Variants in TRIM44 observed in about 807,000 individuals in gnomAD.
TRIM44 encodes the protein tripartite motif containing 44.
In TRIM44, 13 loss-of-function variants were observed where a neutral mutation model predicts 37.4. That is an observed-to-expected ratio of 0.35 (90% CI 0.23 to 0.55). The LOEUF is 0.55. Ranked by LOEUF, TRIM44 falls within the 20% of genes least tolerant of loss-of-function variation. The probability of loss-of-function intolerance (pLI) is 0.89; values close to 1 mark genes in which losing one functional copy is unlikely to be tolerated. For synonymous variants in TRIM44, 175 were observed against 157.2 expected, an observed-to-expected ratio of 1.11 and a Z score of -0.85; for missense variants, 426 against 437.2, an observed-to-expected ratio of 0.97 and a Z score of 0.23.
intron 1 of TRIM44, among the ~76,000 whole-genome samples, chr11:35,679,253 A>G (rs924103647): frequency 6.6e-6 from 1 of 152,152 alleles, no homozygotes; most frequent in East Asian, 1.9e-4. Context: ...TGCAGAGACC[A>G]CTTGTCAAGG....
chr11:35,680,294 A>G lies in TRIM44; in HGVS notation c.670-4965A>G, dbSNP rs370886772. Among the ~76,000 whole-genome samples, 80 of 152,270 alleles carry G rather than the reference A, an allele frequency of 5.3e-4. No homozygotes were observed. The South Asian group carries it at 0.016, about 30-fold the overall frequency. On this transcript the variant is annotated intron_variant, in intron 1 of 4. Transcript: ENST00000299413. The stretch of plus-strand genomic sequence containing the variant: ...TAGTATGCTAAATCTTAATTATGCA[A>G]TTAATAGGAATATATTTAACTCTAA...
At chr11:35,702,347 C>T (rs928719486) in intron 2 of TRIM44, among the ~76,000 whole-genome samples, 3 of 152,242 alleles carry the variant, frequency 2.0e-5, no homozygotes, top group Admixed American at 2.0e-4. Context: ...CGTTCTTTGA[C>T]CCTATCCCAC....
chr11:35,663,115 G>A lies in TRIM44; in HGVS notation c.4G>A (p.Ala2Thr). MASGVGAAFEEL... is the reference protein window; with the variant it reads MTSGVGAAFEEL... ...TTGGCCGCGTCACAGCACCCACATG[G>A]CCTCTGGAGTGGGCGCGGCCTTCGA... Residue 2 changes from alanine (A) to threonine (T), a missense_variant, in exon 1 of 5, where the codon GCC (alanine) becomes ACC (threonine). By Grantham distance (58) the Ala-to-Thr change is moderately conservative (BLOSUM62 0). Coordinates refer to ENST00000299413, the MANE Select transcript of TRIM44 (RefSeq NM_017583.6). 6.6e-7 allele frequency: 1 copy of A among 1,514,632 alleles called. No homozygotes were observed. Among genetic ancestry groups the A allele is most frequent in the Non-Finnish European group, 8.8e-7 (1 of 1,136,766 alleles). The allele number at this position is 1,514,632 out of a possible 1,614,324, so 93.8% of individuals were successfully genotyped here.
chr11:35,744,132 G>A (rs1852453601), intron 4 of TRIM44, among the ~76,000 whole-genome samples: 1 of 152,150 alleles, frequency 6.6e-6, no homozygotes, highest in Admixed American at 6.5e-5. Flanking sequence ...CTGTATACCA[G>A]GGATTTGTGA....
intron 2 of TRIM44, among the ~76,000 whole-genome samples, chr11:35,704,519 G>A (rs925421591): frequency 2.6e-5 from 4 of 152,102 alleles, no homozygotes; most frequent in East Asian, 3.9e-4. Flanking sequence ...GAGAAAGGTC[G>A]GGTTACCCAC....
chr11:35,754,215 G>C (rs1852595839), intron 4 of TRIM44, among the ~76,000 whole-genome samples: 2 of 152,128 alleles, frequency 1.3e-5, no homozygotes, highest in South Asian at 4.2e-4. Flanking sequence ...TAAAAGAGAG[G>C]CATGCTAATA....
chr11:35,671,643 T>G (rs945995113), intron 1 of TRIM44, among the ~76,000 whole-genome samples: 6 of 152,022 alleles, frequency 3.9e-5, no homozygotes, highest in African/African-American at 1.2e-4. Flanking sequence ...AACTTCAGAG[T>G]AGGCCAGAAT....
intron 2 of TRIM44, among the ~76,000 whole-genome samples, chr11:35,705,182 T>C (rs561272815): frequency 2.7e-5 from 4 of 149,516 alleles, no homozygotes; most frequent in South Asian, 2.2e-4. Flanking sequence ...TACATAATGG[T>C]AAAGGGATCA....
In TRIM44 at chr11:35,808,617, T is replaced by A. The variant is rs1853486317; in HGVS notation, c.*2232T>A. On this transcript the variant is annotated 3_prime_UTR_variant, in exon 5 of 5. Transcript: ENST00000299413. Reference sequence around the variant, plus strand: ...AAAAATATTTGCCAACCTGTCTCAGTAACTTATCATATCTCTGTGATCCTC... The same window carrying A: ...AAAAATATTTGCCAACCTGTCTCAGAAACTTATCATATCTCTGTGATCCTC... The A allele has an allele frequency of 6.6e-6, 1 of 152,212 alleles. No individual in the cohort carries two copies. Among genetic ancestry groups the A allele is most frequent in the Non-Finnish European group, 1.5e-5 (1 of 68,018 alleles). 9.4% of individuals were successfully genotyped at this position (152,212 alleles called of 1,614,324 possible). A position where few individuals can be genotyped will look rare whatever the true frequency, so the allele number is the denominator to read the frequency against.
At chr11:35,673,712 G>A (rs1851426668) in intron 1 of TRIM44, among the ~76,000 whole-genome samples, 1 of 152,050 alleles carries the variant, frequency 6.6e-6, no homozygotes, top group South Asian at 2.1e-4. Flanking sequence ...TGAGTTCATA[G>A]GCATTTTATG....
chr11:35,700,679 C>T (rs1851775971), intron 2 of TRIM44, among the ~76,000 whole-genome samples: 1 of 152,160 alleles, frequency 6.6e-6, no homozygotes, highest in Non-Finnish European at 1.5e-5. Context: ...AAGAATTACC[C>T]ATAAAAAATC....
intron 2 of TRIM44, among the ~76,000 whole-genome samples, chr11:35,711,495 G>T (rs1218728512): frequency 1.3e-5 from 2 of 150,840 alleles, no homozygotes; most frequent in Non-Finnish European, 2.9e-5. Flanking sequence ...TTCCAAAATA[G>T]GGAATAATAG....
At chr11:35,704,921 T>A (rs545556666) in intron 2 of TRIM44, among the ~76,000 whole-genome samples, 2,111 of 150,668 alleles carry the variant, frequency 0.014, 32 homozygotes, top group Non-Finnish European at 0.017. Flanking sequence ...ATATTAACTT[T>A]AAATGTAAAT....
intron 1 of TRIM44, among the ~76,000 whole-genome samples, chr11:35,673,864 G>A (rs975441485): frequency 6.6e-6 from 1 of 152,004 alleles, no homozygotes; most frequent in African/African-American, 2.4e-5. Context: ...CTGCCTGCCT[G>A]TTCATTGACA....
intron 2 of TRIM44, among the ~76,000 whole-genome samples, chr11:35,710,142 T>A (rs1851948693): frequency 1.3e-5 from 2 of 152,154 alleles, no homozygotes; most frequent in African/African-American, 4.8e-5. Context: ...TACTCCTAAA[T>A]TAAGTTTTCA....
chr11:35,666,848 C>T (rs1851338383), intron 1 of TRIM44, among the ~76,000 whole-genome samples: 1 of 152,098 alleles, frequency 6.6e-6, no homozygotes, highest in Non-Finnish European at 1.5e-5. Context: ...TGTGATCTAT[C>T]TGCTGAATTA....
rs1851288751 is a variant in TRIM44 at position 35,663,078 on chromosome 11, G to A, written c.-34G>A. ...GCGGAAGGAAGGCGGCGAGCCCCGG[G>A]GCCCCGAGGCCTTGGCCGCGTCACA... On this transcript the variant is annotated 5_prime_UTR_variant, in exon 1 of 5. Coordinates refer to ENST00000299413, the MANE Select transcript of TRIM44 (RefSeq NM_017583.6). 4.0e-6 allele frequency: 6 copies of A among 1,486,806 alleles called. No homozygotes were observed. Among genetic ancestry groups the A allele is most frequent in the Non-Finnish European group, 5.3e-6 (6 of 1,126,502 alleles). 92.1% of individuals were successfully genotyped at this position (1,486,806 alleles called of 1,614,324 possible). A position where few individuals can be genotyped will look rare whatever the true frequency, so the allele number is the denominator to read the frequency against.
intron 4 of TRIM44, among the ~76,000 whole-genome samples, chr11:35,780,213 C>T (rs1853044470): frequency 6.6e-6 from 1 of 152,264 alleles, no homozygotes; most frequent in African/African-American, 2.4e-5. Context: ...GTGGCAGAAT[C>T]AGCACCCAGA....
In TRIM44 at chr11:35,788,148, G is replaced by A. The variant is rs562754903; in HGVS notation, c.1008-18210G>A. Among the ~76,000 whole-genome samples, 23 of 152,274 alleles carry A rather than the reference G, an allele frequency of 1.5e-4. No individual in the cohort carries two copies. The South Asian group carries it at 2.5e-3, about 16-fold the overall frequency. On this transcript the variant is annotated intron_variant, in intron 4 of 4. Transcript: ENST00000299413. ...AGCAGGACCCCAAATTCTCTGAGCC[G>A]GAGGGTGGATGATGAGTAGTCTCTG...
Sources: gnomAD v4.1 joint callset for allele counts (sites outside exome capture counted in the v4.1 genomes callset) on GRCh38, gnomAD v4.1.1 for gene constraint, MANE v1.5 for transcripts, NCBI Gene and HGNC (gene_info 2026-07-23, HGNC 2026-07-21) for gene names.